LYST: variants seen among roughly 807,000 people sequenced by gnomAD.
LYST encodes the protein lysosomal-trafficking regulator.
Under a neutral mutation model 413.6 loss-of-function variants are expected in LYST, and 192 were observed. The ratio of observed to expected loss-of-function variants is 0.46; its 90% CI spans 0.41 to 0.52. The LOEUF (loss-of-function observed/expected upper bound fraction) is 0.52, where lower values mean the gene tolerates loss of function less well. Among genes scored for constraint, LYST ranks in the 20% least tolerant of loss-of-function variants. The pLI, the probability that LYST is intolerant of heterozygous loss-of-function variation, is 0.00. For synonymous variants in LYST, 1,525 were observed against 1,567.3 expected (o/e 0.97, Z 0.64); for missense variants, 3,815 against 4,499.9 (o/e 0.85, Z 4.35).
At position 235,805,600 on chromosome 1, in the gene LYST, ATATAT is replaced by A. The variant is rs200558668; in HGVS notation, c.3393+138_3393+142del. ...TAATATATACACATATATAAAAGTAATATATTATATGTTATATATAACACAATAAT... is the reference window on the plus strand; with the variant it reads ...TAATATATACACATATATAAAAGTAATATATGTTATATATAACACAATAAT... On this transcript the variant is annotated intron_variant, in intron 6 of 52. Coordinates refer to ENST00000389793, the MANE Select transcript of LYST (RefSeq NM_000081.4). 0.025 allele frequency: 6,884 copies of A among 277,662 alleles called. 450 individuals carry two copies. Among genetic ancestry groups the A allele is most frequent in the African/African-American group, 0.14 (6,262 of 44,760 alleles). 17.2% of individuals were successfully genotyped at this position (277,662 alleles called of 1,614,324 possible).
intron 1 of LYST, among the ~76,000 whole-genome samples, chr1:235,855,998 G>A (rs1679132341): frequency 6.6e-6 from 1 of 152,106 alleles, no homozygotes; most frequent in Non-Finnish European, 1.5e-5. Flanking sequence ...CTATAACCAT[G>A]TGTGAAGATG....
chr1:235,703,004 A>G, intron 44 of LYST, 27 bp from the exon 45 acceptor site: 2 of 1,455,282 alleles, frequency 1.4e-6, no homozygotes, highest in Non-Finnish European at 1.9e-6. Flanking sequence ...TAAAGGAACA[A>G]GACATATGTA....
intron 22 of LYST, among the ~76,000 whole-genome samples, chr1:235,762,100 G>C (rs1255027496): frequency 6.6e-6 from 1 of 151,906 alleles, no homozygotes; most frequent in African/African-American, 2.4e-5. Flanking sequence ...TTGTGCACAT[G>C]TATCCTAAAA....
chr1:235,734,616 T>C lies in LYST; in HGVS notation c.8402A>G (p.Asn2801Ser). Residue 2801 changes from asparagine (N) to serine (S), a missense_variant, in exon 32 of 53, where the codon AAT (asparagine) becomes AGT (serine). By Grantham distance (46) the Asn-to-Ser change is conservative. This residue lies in a region of LYST where 771 missense variants were observed against 837.1 expected (regional missense o/e 0.92). Transcript: ENST00000389793. ...LVLYLSELIHNHQGELTEEEL... is the reference protein window; with the variant it reads ...LVLYLSELIHSHQGELTEEEL... ...TTCTTCAGTCAATTCACCTTGGTGATTATGTATCAACTCTGACAAATACAA... is the reference window on the plus strand; with the variant it reads ...TTCTTCAGTCAATTCACCTTGGTGACTATGTATCAACTCTGACAAATACAA... 6.2e-7 allele frequency: 1 copy of C among 1,612,856 alleles called. No homozygotes were observed. Among genetic ancestry groups the C allele is most frequent in the Non-Finnish European group, 8.5e-7 (1 of 1,179,066 alleles).
rs59783076 is a variant in LYST, at chr1:235,877,855, CA to C, written n.454+5331del. ...GGAAGTATCTGACAATATCTGCCAC[CA>C]AAAAAAAAAAAAAAAAAAATCTAAA... On this transcript the variant is annotated intron_variant and non_coding_transcript_variant, in intron 1 of 11. Coordinates refer to the LYST transcript ENST00000465349. Among the ~76,000 whole-genome samples, 250 of 113,498 alleles carry C rather than the reference CA, an allele frequency of 2.2e-3. 1 individual carries two copies. Among genetic ancestry groups the C allele is most frequent in the Middle Eastern group, 5.2e-3 (1 of 192 alleles). 74.5% of individuals were successfully genotyped at this position (113,498 alleles called of 152,430 possible). A position where few individuals can be genotyped will look rare whatever the true frequency, so the allele number is the denominator to read the frequency against.
chr1:235,689,999 C>T (rs1015891049), intron 47 of LYST, among the ~76,000 whole-genome samples: 6 of 152,150 alleles, frequency 3.9e-5, no homozygotes, highest in African/African-American at 1.4e-4. Context: ...CTCTTCACAC[C>T]ACATCAATCT....
chr1:235,789,606 G>A (rs995120273), intron 12 of LYST, among the ~76,000 whole-genome samples: 2 of 152,100 alleles, frequency 1.3e-5, no homozygotes, highest in Admixed American at 1.3e-4. Context: ...GAACACTACT[G>A]CTTATTAGAC....
At position 235,796,154 on chromosome 1, in the gene LYST, G is replaced by A. The variant is rs1013514948; in HGVS notation, c.4007-2542C>T. Among the ~76,000 whole-genome samples, 5 of 151,994 alleles carry A rather than the reference G, an allele frequency of 3.3e-5. No homozygotes were observed. The East Asian group carries it at 5.8e-4, about 18-fold the overall frequency. On this transcript the variant is annotated intron_variant, in intron 10 of 52. Transcript: ENST00000389793. The stretch of plus-strand genomic sequence containing the variant: ...TAACAATTAGAATACAAAAAAAGAG[G>A]AGGGAATATGGAGAGGAGAAACTTA...
At chr1:235,801,653 C>A (rs1410257772) in intron 8 of LYST, among the ~76,000 whole-genome samples, 1 of 151,998 alleles carries the variant, frequency 6.6e-6, no homozygotes, top group African/African-American at 2.4e-5. Flanking sequence ...AAATTTCTAC[C>A]TAGATCAGAA....
At chr1:235,724,436 C>G (rs867697354) in intron 38 of LYST, among the ~76,000 whole-genome samples, 1 of 152,104 alleles carries the variant, frequency 6.6e-6, no homozygotes, top group Non-Finnish European at 1.5e-5. Context: ...AGAATTCTCA[C>G]GTATCCTCCC....
intron 48 of LYST, among the ~76,000 whole-genome samples, chr1:235,679,667 G>A (rs1320200313): frequency 6.6e-6 from 1 of 151,878 alleles, no homozygotes; most frequent in Non-Finnish European, 1.5e-5. Flanking sequence ...CACCAGCCTG[G>A]GGCCACCTTA....
Position 235,769,774 on chromosome 1 carries a change from C to T in LYST, c.5922+386G>A, listed in dbSNP as rs184166983. Among the ~76,000 whole-genome samples, 485 of 151,862 alleles carry T rather than the reference C, an allele frequency of 3.2e-3. 2 individuals carry two copies. The highest frequency in any genetic ancestry group is 5.4e-3 in the Non-Finnish European group (369 of 67,888). ...GCTAATTCTAGCATATAAAATAGAC[C>T]GTTAGCAAGTTTATATTTATTAAAG... is the stretch of plus-strand genomic sequence containing the variant. On this transcript the variant is annotated intron_variant, in intron 20 of 52. Transcript: ENST00000389793.
At chr1:235,828,719 AT>A in intron 3 of LYST, 3 of 897,832 alleles carry the variant, frequency 3.3e-6, no homozygotes, top group South Asian at 5.1e-5. Context: ...AAAGCATTGA[AT>A]TTTTTTATTG....
intron 46 of LYST, 60 bp from the exon 47 acceptor site, chr1:235,693,546 C>A (rs1032620001): frequency 1.2e-6 from 2 of 1,603,772 alleles, no homozygotes; most frequent in African/African-American, 1.3e-5. Context: ...TACATGACAG[C>A]CCAAAACTGG....
chr1:235,708,340 C>A (rs1447461465), intron 44 of LYST, among the ~76,000 whole-genome samples: 1 of 152,052 alleles, frequency 6.6e-6, no homozygotes, highest in East Asian at 1.9e-4. Context: ...AAACATGGTG[C>A]CATTTTAAAG....
At chr1:235,837,980 A>C (rs1676749253) in intron 1 of LYST, among the ~76,000 whole-genome samples, 1 of 152,222 alleles carries the variant, frequency 6.6e-6, no homozygotes, top group East Asian at 1.9e-4. Context: ...GAATTCTAGG[A>C]ACAATGAGTA....
Position 235,724,128 on chromosome 1 carries a change from A to T in LYST, c.9215T>A (p.Ile3072Asn), listed in dbSNP as rs145077787. 6.2e-7 allele frequency: 1 copy of T among 1,613,836 alleles called. No homozygotes were observed. Among genetic ancestry groups the T allele is most frequent in the Non-Finnish European group, 8.5e-7 (1 of 1,179,798 alleles). The change falls in exon 39 of 53, where the codon ATT becomes AAT. Residue 3072 changes from isoleucine to asparagine, a missense_variant. Physicochemically the swap from Ile to Asn is moderately radical, Grantham distance 149. This residue lies in a region of LYST where 866 missense variants were observed against 1,156.0 expected (regional missense o/e 0.75). Coordinates refer to ENST00000389793, the MANE Select transcript of LYST (RefSeq NM_000081.4). ...CCACCAACGCTTGTGAACTTCTTTAATTTCTTCATATGTCCAGGAAAATGA... is the reference window on the plus strand; with the variant it reads ...CCACCAACGCTTGTGAACTTCTTTATTTTCTTCATATGTCCAGGAAAATGA... ...PASFSWTYEE[I>N]KEVHKRWWQL...
intron 1 of LYST, among the ~76,000 whole-genome samples, chr1:235,857,650 G>A (rs1479080064): frequency 2.0e-5 from 3 of 151,558 alleles, no homozygotes; most frequent in African/African-American, 7.3e-5. Context: ...AACCAAAAAA[G>A]AGGGGGGTGT....
intron 1 of LYST, among the ~76,000 whole-genome samples, chr1:235,842,310 A>G (rs1240245327): frequency 6.6e-6 from 1 of 151,922 alleles, no homozygotes; most frequent in Non-Finnish European, 1.5e-5. Flanking sequence ...TGAAGAGTAC[A>G]CAATGTGGGA....
Sources: gnomAD v4.1 joint callset for allele counts (sites outside exome capture counted in the v4.1 genomes callset) on GRCh38, gnomAD v4.1.1 for gene constraint, gnomAD v4.1.1 regional missense constraint, MANE v1.5 for transcripts, NCBI Gene and HGNC (gene_info 2026-07-23, HGNC 2026-07-21) for gene names.